Variants in EED observed in about 807,000 individuals in gnomAD.
EED encodes embryonic ectoderm development, also known as polycomb protein EED.
A neutral mutation model predicts 61.0 loss-of-function variants in EED; 9 were observed. That is an observed-to-expected ratio of 0.15 (90% CI 0.09 to 0.26). The LOEUF is 0.26. EED is among the 10% of genes least tolerant of loss of function. The pLI is 1.00. For missense variants in EED, 315 were observed against 542.3 expected, an observed-to-expected ratio of 0.58 and a Z score of 4.16; for synonymous variants, 187 against 174.4, an observed-to-expected ratio of 1.07 and a Z score of -0.57.
chr11:86,285,799 T>C, the EED span, among the ~76,000 whole-genome samples: 1 of 151,914 alleles, frequency 6.6e-6, no homozygotes, highest in East Asian at 2.0e-4. Context: ...GGTTTCACCA[T>C]GTTGGCCAGG....
intron 9 of EED, among the ~76,000 whole-genome samples, chr11:86,274,428 A>G (rs1014254610): frequency 6.6e-6 from 1 of 151,994 alleles, no homozygotes; most frequent in Non-Finnish European, 1.5e-5. Flanking sequence ...GTGATTTTTG[A>G]TTGAAACCTG....
intron 6 of EED, among the ~76,000 whole-genome samples, chr11:86,261,328 A>T (rs1160415239): frequency 6.6e-6 from 1 of 152,254 alleles, no homozygotes; most frequent in Non-Finnish European, 1.5e-5. Flanking sequence ...AAGGCACCAG[A>T]ATAATCTTCC....
At chr11:86,276,082 A>G (rs758276010) in intron 9 of EED, 4 of 152,094 alleles carry the variant, frequency 2.6e-5, no homozygotes, top group Admixed American at 6.5e-5. Context: ...AGGCCAGATA[A>G]TTCTTTTTTT....
intron 9 of EED, among the ~76,000 whole-genome samples, chr11:86,275,091 T>A (rs1181341147): frequency 6.6e-6 from 1 of 152,180 alleles, no homozygotes; most frequent in Non-Finnish European, 1.5e-5. Context: ...CCTTCTCTCT[T>A]ATCTAGTCTG....
intron 9 of EED, among the ~76,000 whole-genome samples, chr11:86,269,031 C>T (rs10898463): frequency 0.41 from 61,825 of 151,936 alleles, 12,697 homozygotes; most frequent in East Asian, 0.51. Context: ...GGGATTACAT[C>T]GTGATAAACC....
intron 9 of EED, among the ~76,000 whole-genome samples, chr11:86,270,676 C>G (rs1332752578): frequency 1.3e-5 from 2 of 152,034 alleles, no homozygotes; most frequent in Non-Finnish European, 2.9e-5. Flanking sequence ...ATGTGTAATC[C>G]ATTTTGAGTT....
Position 86,244,986 on chromosome 11 carries a change from G to GGGGAA in EED, c.-236_-232dup. 1 of 439,454 alleles carries GGGGAA rather than the reference G, an allele frequency of 2.3e-6. No individual in the cohort carries two copies. Among genetic ancestry groups the GGGGAA allele is most frequent in the Non-Finnish European group, 4.0e-6 (1 of 246,952 alleles). 27.2% of individuals were successfully genotyped at this position (439,454 alleles called of 1,614,324 possible). A position where few individuals can be genotyped will look rare whatever the true frequency, so the allele number is the denominator to read the frequency against. On this transcript the variant is annotated 5_prime_UTR_variant, in exon 1 of 12. Transcript: ENST00000263360. ...GCGGGAAAAGGGCAAGACGGGAGTT[G>GGGGAA]GGGAAGGGAAGGAGCCAGGAAGCCG...
intron 4 of EED, among the ~76,000 whole-genome samples, chr11:86,255,515 G>T (rs1415539083): frequency 6.6e-6 from 1 of 152,146 alleles, no homozygotes; most frequent in African/African-American, 2.4e-5. Context: ...AATCCATTGT[G>T]GGATGGATGT....
intron 7 of EED, chr11:86,264,648 T>G (rs1945930028): frequency 6.3e-6 from 1 of 157,482 alleles, no homozygotes; most frequent in South Asian, 2.0e-4. Flanking sequence ...AACATAACGT[T>G]TTTTGCTATT....
intron 1 of EED, among the ~76,000 whole-genome samples, chr11:86,247,745 A>G (rs1047206398): frequency 2.6e-5 from 4 of 152,228 alleles, no homozygotes; most frequent in Non-Finnish European, 4.4e-5. Context: ...TAGAAAAGAT[A>G]AGGGCAATAG....
At chr11:86,257,367 C>A in intron 5 of EED, 148 bp from the exon 6 acceptor site, 9 of 293,914 alleles carry the variant, frequency 3.1e-5, no homozygotes, top group Non-Finnish European at 4.2e-5. Context: ...TTCCTTTTCA[C>A]CTCAAGTTTG....
At chr11:86,249,528 T>C (rs534841396) in intron 1 of EED, among the ~76,000 whole-genome samples, 11 of 152,168 alleles carry the variant, frequency 7.2e-5, no homozygotes, top group Non-Finnish European at 1.6e-4. Context: ...ATTAGAGAGC[T>C]GAGATTAGAG....
Position 86,244,948 on chromosome 11 carries a change from TG to T in EED, c.-281del. 6.6e-5 allele frequency: 25 copies of T among 379,870 alleles called. No individual in the cohort carries two copies. The highest frequency in any genetic ancestry group is 1.9e-4 in the South Asian group (5 of 26,514). 23.5% of individuals were successfully genotyped at this position (379,870 alleles called of 1,614,324 possible). On this transcript the variant is annotated 5_prime_UTR_variant, in exon 1 of 12. Transcript: ENST00000263360. ...CCAACGGACCTTACATCGTGTAGAC[TG>T]CCGGGAGGGCGGCGGGAAAAGGGCA...
the EED span, among the ~76,000 whole-genome samples, chr11:86,287,497 G>C: frequency 6.6e-6 from 1 of 152,130 alleles, no homozygotes; most frequent in Non-Finnish European, 1.5e-5. Flanking sequence ...TCTTGCTTGG[G>C]TACCCCAGGC....
At chr11:86,259,492 G>T (rs1421259487) in intron 6 of EED, among the ~76,000 whole-genome samples, 2 of 152,168 alleles carry the variant, frequency 1.3e-5, no homozygotes, top group East Asian at 3.9e-4. Context: ...TGTAAAAAAT[G>T]TTTTTGTAGA....
intron 6 of EED, among the ~76,000 whole-genome samples, chr11:86,258,124 T>C (rs1486828134): frequency 1.3e-5 from 2 of 152,042 alleles, no homozygotes; most frequent in Non-Finnish European, 2.9e-5. Context: ...TAGGCCCCAG[T>C]GTATGGACAG....
the EED span, among the ~76,000 whole-genome samples, chr11:86,286,307 C>A: frequency 2.0e-5 from 3 of 151,990 alleles, no homozygotes; most frequent in Non-Finnish European, 1.5e-5. Context: ...TCCCAAAGTG[C>A]TGGGATTACA....
rs1382500520 is a variant in EED, at chr11:86,245,158, C to A, written c.-72C>A. 6.1e-6 allele frequency: 8 copies of A among 1,314,452 alleles called. No individual in the cohort carries two copies. Among genetic ancestry groups the A allele is most frequent in the Non-Finnish European group, 8.6e-6 (8 of 934,446 alleles). The allele number at this position is 1,314,452 out of a possible 1,614,324, so 81.4% of individuals were successfully genotyped here. On this transcript the variant is annotated 5_prime_UTR_variant, in exon 1 of 12. Transcript: ENST00000263360. ...CGGCAACTTTGCGGCAAGCTCGGGCCGGGCTTGCTTGACGGCGGTGTGGCG... is the reference window on the plus strand; with the variant it reads ...CGGCAACTTTGCGGCAAGCTCGGGCAGGGCTTGCTTGACGGCGGTGTGGCG...
chr11:86,270,250 T>C, intron 9 of EED: 1 of 545,434 alleles, frequency 1.8e-6, no homozygotes, highest in Admixed American at 2.8e-5. Flanking sequence ...TGGCTAGTGA[T>C]GTTGAACATC....
Sources: allele counts gnomAD v4.1 joint callset (sites outside exome capture counted in the v4.1 genomes callset), GRCh38; gene constraint gnomAD v4.1.1; transcripts MANE v1.5; gene names NCBI Gene and HGNC (gene_info 2026-07-23, HGNC 2026-07-21).